The following PRSS35 variants were observed in gnomAD, a reference collection of about 807,000 sequenced individuals.
PRSS35 encodes the protein inactive serine protease 35.
A neutral mutation model predicts 8.1 loss-of-function variants in PRSS35; 7 were observed. That is an observed-to-expected ratio of 0.86 (90% CI 0.49 to 1.62). The LOEUF is 1.62. Among genes scored for constraint, PRSS35 ranks in the 40% most tolerant of loss-of-function variants. The pLI is 0.00. For synonymous variants in PRSS35, 199 were observed against 188.7 expected, an observed-to-expected ratio of 1.05 and a Z score of -0.45; for missense variants, 566 against 518.0, an observed-to-expected ratio of 1.09 and a Z score of -0.90.
chr6:83,516,406 C>A (rs912889833), intron 1 of PRSS35, among the ~76,000 whole-genome samples: 4 of 151,500 alleles, frequency 2.6e-5, no homozygotes, highest in African/African-American at 7.3e-5. Flanking sequence ...CACCCCATCT[C>A]TACTAAAAAT....
At chr6:83,519,468 T>G (rs1019170029) in intron 1 of PRSS35, among the ~76,000 whole-genome samples, 1 of 152,198 alleles carries the variant, frequency 6.6e-6, no homozygotes, top group African/African-American at 2.4e-5. Context: ...ATATTATAGC[T>G]GCCCCTTCAA....
At chr6:83,518,838 C>T (rs912055286) in intron 1 of PRSS35, among the ~76,000 whole-genome samples, 5 of 152,152 alleles carry the variant, frequency 3.3e-5, no homozygotes, top group African/African-American at 1.2e-4. Flanking sequence ...TTGCGTGTAT[C>T]ATCTCATTTA....
chr6:83,515,038 C>T (rs1771686178), intron 1 of PRSS35, among the ~76,000 whole-genome samples: 1 of 152,170 alleles, frequency 6.6e-6, no homozygotes, highest in East Asian at 1.9e-4. Context: ...TTAGATTTGC[C>T]ATCACCAGGC....
chr6:83,518,041 A>C (rs1350610712), intron 1 of PRSS35, among the ~76,000 whole-genome samples: 1 of 152,258 alleles, frequency 6.6e-6, no homozygotes, highest in East Asian at 1.9e-4. Context: ...GTAATTGTGA[A>C]TCTGTCACCT....
chr6:83,524,128 T>G lies in PRSS35; in HGVS notation c.687T>G (p.Gly229=), dbSNP rs1583460789. The stretch of plus-strand genomic sequence containing the variant: ...AGCATCTGCGGGAGAGAGCGAAGGG[T>G]GGGAGAAGAAGAAAAAAATCTGGCC... ...TREHLRERAK[G]GRRRKKSGRG... The change falls in exon 2 of 2, where the codon GGT becomes GGG. Residue 229 remains glycine (G), a synonymous_variant. Coordinates refer to ENST00000369700, the MANE Select transcript of PRSS35 (RefSeq NM_153362.3). 6.2e-7 allele frequency: 1 copy of G among 1,612,908 alleles called. No individual in the cohort carries two copies. The highest frequency in any genetic ancestry group is 1.3e-5 in the African/African-American group (1 of 74,492).
At chr6:83,515,194 A>G in intron 1 of PRSS35, among the ~76,000 whole-genome samples, 1 of 152,326 alleles carries the variant, frequency 6.6e-6, no homozygotes, top group East Asian at 1.9e-4. Flanking sequence ...TAAAGCTGGA[A>G]GAAATCTTAG....
Position 83,524,752 on chromosome 6 carries a change from G to A in PRSS35, c.*69G>A, listed in dbSNP as rs1275505994. 6.9e-7 allele frequency: 1 copy of A among 1,446,462 alleles called. No individual in the cohort carries two copies. The highest frequency in any genetic ancestry group is 2.3e-5 in the East Asian group (1 of 43,198). 89.6% of individuals were successfully genotyped at this position (1,446,462 alleles called of 1,614,324 possible). Reference sequence around the variant, plus strand: ...AAACCAGCTCTGCTTACCGTAGTGAGATCACTTCATAGGTTATGCCTGGAC... The same window carrying A: ...AAACCAGCTCTGCTTACCGTAGTGAAATCACTTCATAGGTTATGCCTGGAC... On this transcript the variant is annotated 3_prime_UTR_variant, in exon 2 of 2. Coordinates refer to ENST00000369700, the MANE Select transcript of PRSS35 (RefSeq NM_153362.3).
At chr6:83,516,956 A>G (rs1771734410) in intron 1 of PRSS35, among the ~76,000 whole-genome samples, 1 of 152,132 alleles carries the variant, frequency 6.6e-6, no homozygotes, top group Non-Finnish European at 1.5e-5. Context: ...GGAAATATTC[A>G]CAGGTCCTGG....
At position 83,524,230 on chromosome 6, in the gene PRSS35, G is replaced by A. The variant is rs770615324; in HGVS notation, c.789G>A (p.Trp263Ter). 3.1e-6 allele frequency: 5 copies of A among 1,614,118 alleles called. No individual in the cohort carries two copies. Among genetic ancestry groups the A allele is most frequent in the Non-Finnish European group, 3.4e-6 (4 of 1,180,036 alleles). The change falls in exon 2 of 2, where the codon TGG (tryptophan) becomes TGA (stop). Residue 263 changes from tryptophan to a stop codon, truncating the protein, a stop_gained. Transcript: ENST00000369700. LOFTEE classifies it high-confidence loss of function. The part of the protein sequence containing the change: ...RVKNTHIPKG[W>*]ARGGMGDATL... ...AGAATACCCACATTCCGAAGGGCTG[G>A]GCACGAGGAGGCATGGGGGACGCTA...
intron 1 of PRSS35, among the ~76,000 whole-genome samples, chr6:83,518,945 C>T (rs1414170630): frequency 6.6e-6 from 1 of 152,056 alleles, no homozygotes; most frequent in African/African-American, 2.4e-5. Flanking sequence ...GAACTGCCCA[C>T]ATGCACATGC....
rs151268050 is a variant in PRSS35, at chr6:83,523,967, G to A, written c.526G>A (p.Asp176Asn). ...TGCCCACTGTGTTCATGATGGAAAG[G>A]ACTATGTCAAAGGGAGTAAAAAGCT... ...TAAHCVHDGK[D>N]YVKGSKKLRV... The change falls in exon 2 of 2, where the codon GAC (aspartate) becomes AAC (asparagine). Residue 176 changes from aspartate to asparagine, a missense_variant. Transcript: ENST00000369700. 37 of 1,614,054 alleles carry A rather than the reference G, an allele frequency of 2.3e-5. No homozygotes were observed. Among genetic ancestry groups the A allele is most frequent in the Non-Finnish European group, 2.8e-5 (33 of 1,180,050 alleles).
intron 1 of PRSS35, among the ~76,000 whole-genome samples, chr6:83,514,111 T>C (rs1482139343): frequency 1.3e-5 from 2 of 152,162 alleles, no homozygotes; most frequent in Non-Finnish European, 2.9e-5. Context: ...GTAAAACTGA[T>C]GTGGGTTAGC....
intron 1 of PRSS35, among the ~76,000 whole-genome samples, 153 bp downstream of exon 1, chr6:83,512,847 C>A (rs1771645267): frequency 6.6e-6 from 1 of 152,168 alleles, no homozygotes; most frequent in African/African-American, 2.4e-5. Flanking sequence ...ACTAACCACC[C>A]TTCCCATAGG....
chr6:83,523,675 G>A lies in PRSS35; in HGVS notation c.234G>A (p.Leu78=), dbSNP rs267601139. 1 of 1,614,190 alleles carries A rather than the reference G, an allele frequency of 6.2e-7. No homozygotes were observed. The highest frequency in any genetic ancestry group is 8.5e-7 in the Non-Finnish European group (1 of 1,180,038). ...KELPTPSLSE[L]EDYLSYETVF... is the part of the protein sequence containing the mutation. The stretch of plus-strand genomic sequence containing the variant: ...TCCCAACTCCCAGCCTTTCTGAATT[G>A]GAGGATTATCTTTCCTATGAGACTG... Residue 78 remains leucine (L), a synonymous_variant, in exon 2 of 2, where the codon TTG becomes TTA. Coordinates refer to ENST00000369700, the MANE Select transcript of PRSS35 (RefSeq NM_153362.3).
intron 1 of PRSS35, among the ~76,000 whole-genome samples, chr6:83,516,594 A>T (rs1431322793): frequency 6.6e-6 from 1 of 151,148 alleles, no homozygotes; most frequent in Non-Finnish European, 1.5e-5. Flanking sequence ...AAAAAAAAAA[A>T]AGAAATCTGA....
chr6:83,516,388 C>A (rs1031349397), intron 1 of PRSS35, among the ~76,000 whole-genome samples: 1 of 151,648 alleles, frequency 6.6e-6, no homozygotes, highest in Admixed American at 6.6e-5. Flanking sequence ...TCCTGGCCAA[C>A]ACGGTGACAC....
chr6:83,523,972 T>C lies in PRSS35; in HGVS notation c.531T>C (p.Tyr177=). ...AAHCVHDGKD[Y]VKGSKKLRVG... ...ACTGTGTTCATGATGGAAAGGACTA[T>C]GTCAAAGGGAGTAAAAAGCTAAGGG... The change falls in exon 2 of 2, where the codon TAT becomes TAC. Residue 177 remains tyrosine, a synonymous_variant. Transcript: ENST00000369700. 6.2e-7 allele frequency: 1 copy of C among 1,614,082 alleles called. No individual in the cohort carries two copies. The highest frequency in any genetic ancestry group is 8.5e-7 in the Non-Finnish European group (1 of 1,180,014).
intron 1 of PRSS35, among the ~76,000 whole-genome samples, chr6:83,515,939 C>G: frequency 6.6e-6 from 1 of 152,188 alleles, no homozygotes; most frequent in Admixed American, 6.5e-5. Context: ...CTCAGCCTCC[C>G]CAGTAGCTGG....
intron 1 of PRSS35, among the ~76,000 whole-genome samples, chr6:83,521,515 C>G (rs565101735): frequency 7.4e-5 from 11 of 149,602 alleles, no homozygotes; most frequent in East Asian, 5.9e-4. Flanking sequence ...CACCTCCCCC[C>G]CTCCTCTCCT....
Sources: allele counts gnomAD v4.1 joint callset (sites outside exome capture counted in the v4.1 genomes callset), GRCh38; gene constraint gnomAD v4.1.1; transcripts MANE v1.5; gene names NCBI Gene and HGNC (gene_info 2026-07-23, HGNC 2026-07-21).